The following GRK1 variants were observed in gnomAD, a reference collection of about 807,000 sequenced individuals.
GRK1 encodes rhodopsin kinase GRK1.
In GRK1, 28 loss-of-function variants were observed where a neutral mutation model predicts 41.7. The observed-to-expected ratio is 0.67, with a 90% CI of 0.50 to 0.92. The LOEUF is 0.92. Ranked by LOEUF, GRK1 falls within the 40% of genes least tolerant of loss-of-function variation. The pLI, the probability that GRK1 is intolerant of heterozygous loss-of-function variation, is 0.00. For missense variants in GRK1, 703 were observed against 671.2 expected (o/e 1.05, Z -0.52); for synonymous variants, 327 against 286.7 (o/e 1.14, Z -1.42).
chr13:113,733,490 CGT>C (rs555591769), intron 6 of GRK1, among the ~76,000 whole-genome samples: 271 of 144,638 alleles, frequency 1.9e-3, no homozygotes, highest in Middle Eastern at 3.5e-3. Flanking sequence ...TATGTGCGCG[CGT>C]GTGTGTATGT....
At chr13:113,729,847 G>A (rs959032306) in intron 4 of GRK1, among the ~76,000 whole-genome samples, 3 of 148,964 alleles carry the variant, frequency 2.0e-5, no homozygotes, top group African/African-American at 7.5e-5. Context: ...CTTCCATCCC[G>A]AGACAGTCCC....
At chr13:113,668,149 G>A (rs2049832726) in intron 1 of GRK1, 64 bp downstream of exon 1, 2 of 1,496,832 alleles carry the variant, frequency 1.3e-6, no homozygotes, top group Non-Finnish European at 1.8e-6. Flanking sequence ...GCGGCAGGGT[G>A]CAGAGGGCCC....
At chr13:113,649,386 C>T in the GRK1 span, 4 of 1,594,602 alleles carry the variant, frequency 2.5e-6, no homozygotes, top group East Asian at 9.0e-5. The surrounding 1 kb of genome is among the most constrained non-coding windows in gnomAD (Gnocchi z 4.7). Flanking sequence ...ACTTCTCAAT[C>T]TTGAGTTTGA....
chr13:113,658,057 G>T, the GRK1 span: 7 of 1,607,808 alleles, frequency 4.4e-6, 1 homozygote, highest in Non-Finnish European at 5.9e-6. Context: ...GTGCGGCCCA[G>T]CATCTGCCCC....
chr13:113,653,267 TTCACACCTCACCCACCCGCC>T, the GRK1 span: 1 of 1,519,850 alleles, frequency 6.6e-7, no homozygotes, highest in African/African-American at 1.4e-5. Flanking sequence ...CACCCGCCGC[TTCACACCTCACCCACCCGCC>T]GCTTCACACC....
chr13:113,655,014 G>A, the GRK1 span: 20 of 1,584,912 alleles, frequency 1.3e-5, no homozygotes, highest in African/African-American at 8.0e-5. Context: ...GGCCTTGAGC[G>A]CGTCCGTGAT....
the GRK1 span, chr13:113,653,361 G>A: frequency 1.9e-6 from 3 of 1,614,040 alleles, no homozygotes; most frequent in Non-Finnish European, 2.5e-6. Flanking sequence ...GGTCTGCCCA[G>A]GTTCTGTTAT....
At chr13:113,654,588 A>G in the GRK1 span, among the ~76,000 whole-genome samples, 1 of 152,262 alleles carries the variant, frequency 6.6e-6, no homozygotes, top group Non-Finnish European at 1.5e-5. Flanking sequence ...ATGGAAAGAA[A>G]CTAAGGGGCC....
the GRK1 span, chr13:113,652,612 G>T: frequency 1.8e-6 from 1 of 542,464 alleles, no homozygotes; most frequent in East Asian, 3.5e-5. Context: ...CCCTGGCCTT[G>T]CAGAGACCCC....
chr13:113,651,614 C>A, the GRK1 span: 1 of 1,513,694 alleles, frequency 6.6e-7, no homozygotes, highest in South Asian at 1.3e-5. Context: ...TGAACCAGCA[C>A]GACCCTGACA....
chr13:113,724,572 C>T (rs911767699), intron 4 of GRK1, among the ~76,000 whole-genome samples: 1 of 152,198 alleles, frequency 6.6e-6, no homozygotes, highest in Non-Finnish European at 1.5e-5. Context: ...GGGCTAAGGA[C>T]TGTTTCCCCA....
Position 113,671,763 on chromosome 13 carries a change from G to A in GRK1, c.985+107G>A, listed in dbSNP as rs2049859722. 34 of 684,166 alleles carry A rather than the reference G, an allele frequency of 5.0e-5. No individual in the cohort carries two copies. The highest frequency in any genetic ancestry group is 3.0e-4 in the South Asian group (20 of 65,638). 42.4% of individuals were successfully genotyped at this position (684,166 alleles called of 1,614,324 possible). On this transcript the variant is annotated intron_variant, in intron 3 of 6. Coordinates refer to ENST00000335678, the MANE Select transcript of GRK1 (RefSeq NM_002929.3). This position sits in a 1 kb window ranked among gnomAD's most constrained non-coding sequence, Gnocchi z 4.1. ...CACGAGGGCTGACGGCTGTGTGGAC[G>A]GTGGGGGTTCATGAGGGCTGACGGC...
In GRK1 at chr13:113,735,436, C is replaced by T; in HGVS notation, c.*73C>T. The T allele has an allele frequency of 1.4e-6, 2 of 1,405,372 alleles. 1 individual carries two copies. The allele number at this position is 1,405,372 out of a possible 1,614,324, so 87.1% of individuals were successfully genotyped here. ...TGGGGGCCGCCTGCCTCCGTGGTGC[C>T]AGCCTGGGGTCTGCTAGCAAGGGGA... On this transcript the variant is annotated 3_prime_UTR_variant, in exon 7 of 7. Coordinates refer to ENST00000335678, the MANE Select transcript of GRK1 (RefSeq NM_002929.3).
At position 113,669,698 on chromosome 13, in the gene GRK1, G is replaced by A. The variant is rs1209545009; in HGVS notation, c.711G>A (p.Val237=). Residue 237 remains valine (V), a synonymous_variant, in exon 2 of 7, where the codon GTG becomes GTA. Transcript: ENST00000335678. The stretch of plus-strand genomic sequence containing the variant: ...GTCTCACTTTTCAGGGTGCTATGGT[G>A]GAGAAGAAGATTCTGATGAAAGTAC... The part of the protein sequence containing the change: ...KKRKGYQGAM[V]EKKILMKVHS... 5 of 1,613,944 alleles carry A rather than the reference G, an allele frequency of 3.1e-6. No homozygotes were observed. The highest frequency in any genetic ancestry group is 4.2e-6 in the Non-Finnish European group (5 of 1,179,858).
In GRK1 at chr13:113,737,222, C is replaced by T; in HGVS notation, c.*1859C>T. 6.5e-6 allele frequency: 1 copy of T among 154,072 alleles called. No individual in the cohort carries two copies. The highest frequency in any genetic ancestry group is 1.4e-5 in the Non-Finnish European group (1 of 69,014). 9.5% of individuals were successfully genotyped at this position (154,072 alleles called of 1,614,324 possible). On this transcript the variant is annotated 3_prime_UTR_variant, in exon 7 of 7. Transcript: ENST00000335678. ...ATAGGCCACGCCCCTGGGTGAGGAG[C>T]ACGTCTTCCCACAGATCCTAAGTCG...
chr13:113,735,228 G>C lies in GRK1; in HGVS notation c.1557G>C (p.Gln519His). 1 of 1,537,174 alleles carries C rather than the reference G, an allele frequency of 6.5e-7. No individual in the cohort carries two copies. Among genetic ancestry groups the C allele is most frequent in the Non-Finnish European group, 8.7e-7 (1 of 1,146,864 alleles). ...CTGGCAACTGCCCCATCCCCTGGCA[G>C]GAGGAGATGATCGAGACGGGCATCT... ...FATGNCPIPW[Q>H]EEMIETGIFG... The change falls in exon 7 of 7, where the codon CAG becomes CAC. Residue 519 changes from glutamine (Q) to histidine (H), a missense_variant. By Grantham distance (24) the Gln-to-His change is conservative. Transcript: ENST00000335678.
At chr13:113,650,612 T>A in the GRK1 span, 1 of 770,950 alleles carries the variant, frequency 1.3e-6, no homozygotes, top group Non-Finnish European at 2.1e-6. This position sits in a 1 kb window ranked among gnomAD's most constrained non-coding sequence, Gnocchi z 5.0. Flanking sequence ...GTGTAGGTGC[T>A]TGCATAAACA....
intron 6 of GRK1, among the ~76,000 whole-genome samples, chr13:113,733,342 G>A (rs979077425): frequency 2.6e-5 from 4 of 152,220 alleles, no homozygotes; most frequent in Admixed American, 1.3e-4. Context: ...CTGGGGCCTC[G>A]AGACCCAAAC....
chr13:113,733,888 T>G (rs1366001660), intron 6 of GRK1, among the ~76,000 whole-genome samples: 1 of 100,152 alleles, frequency 1.0e-5, no homozygotes, highest in Non-Finnish European at 2.1e-5. Context: ...CATACGTGTG[T>G]GCGTGTGTGT....
Sources: gnomAD v4.1 joint callset for allele counts (sites outside exome capture counted in the v4.1 genomes callset) on GRCh38, gnomAD v4.1.1 for gene constraint, Gnocchi (gnomAD v3.1) non-coding constraint, MANE v1.5 for transcripts, NCBI Gene and HGNC (gene_info 2026-07-23, HGNC 2026-07-21) for gene names.